Variants in ITPR1 observed in about 807,000 individuals in gnomAD.
ITPR1 encodes inositol 1,4,5-trisphosphate receptor type 1, also known as inositol 1,4,5-trisphosphate-gated calcium channel ITPR1.
A neutral mutation model predicts 318.4 loss-of-function variants in ITPR1; 96 were observed. That is an observed-to-expected ratio of 0.30 (90% CI 0.26 to 0.36). The LOEUF is 0.36. Among genes scored for constraint, ITPR1 ranks in the 10% least tolerant of loss-of-function variants. The pLI is 1.00. For missense variants in ITPR1, 2,440 were observed against 3,460.2 expected, an observed-to-expected ratio of 0.71 and a Z score of 7.40; for synonymous variants, 1,312 against 1,289.9, an observed-to-expected ratio of 1.02 and a Z score of -0.37.
intron 4 of ITPR1, among the ~76,000 whole-genome samples, chr3:4,568,595 T>C (rs1392389855): frequency 6.6e-6 from 1 of 152,106 alleles, no homozygotes; most frequent in East Asian, 1.9e-4. Context: ...TCTTGCCACA[T>C]GGATAGATAG....
chr3:4,773,703 C>T (rs971205255), intron 46 of ITPR1, among the ~76,000 whole-genome samples: 1 of 152,214 alleles, frequency 6.6e-6, no homozygotes, highest in East Asian at 1.9e-4. Context: ...GAGCCAACCC[C>T]TCAAACAGGT....
At chr3:4,598,360 C>G (rs2091013773) in intron 4 of ITPR1, among the ~76,000 whole-genome samples, 1 of 152,188 alleles carries the variant, frequency 6.6e-6, no homozygotes, top group South Asian at 2.1e-4. Context: ...TGGCTCACGC[C>G]TATAATCTCA....
At chr3:4,839,892 T>C (rs2051206964) in intron 61 of ITPR1, among the ~76,000 whole-genome samples, 1 of 152,172 alleles carries the variant, frequency 6.6e-6, no homozygotes. Flanking sequence ...GAATTTGAAC[T>C]GTTTTTTTTC....
chr3:4,798,483 A>ACTGT (rs1440446460), intron 53 of ITPR1, among the ~76,000 whole-genome samples: 2 of 152,250 alleles, frequency 1.3e-5, no homozygotes, highest in Non-Finnish European at 2.9e-5. Context: ...ATCAGATGGA[A>ACTGT]CTGTCATACA....
intron 2 of ITPR1, among the ~76,000 whole-genome samples, chr3:4,499,769 G>C (rs917220856): frequency 3.9e-5 from 6 of 152,150 alleles, no homozygotes; most frequent in African/African-American, 1.4e-4. Context: ...CCATAATTTG[G>C]TAGTTAGATG....
At chr3:4,538,965 A>T (rs993304620) in intron 4 of ITPR1, among the ~76,000 whole-genome samples, 2 of 152,192 alleles carry the variant, frequency 1.3e-5, no homozygotes, top group Non-Finnish European at 2.9e-5. Context: ...AGGAGTAGCA[A>T]ACCACCATGA....
chr3:4,528,848 T>C (rs1233294401), intron 4 of ITPR1, among the ~76,000 whole-genome samples: 3 of 152,234 alleles, frequency 2.0e-5, no homozygotes, highest in Admixed American at 6.5e-5. Context: ...AAAAGATTAA[T>C]AGTTTTTTGT....
At chr3:4,501,628 C>T (rs2081029855) in intron 2 of ITPR1, among the ~76,000 whole-genome samples, 1 of 152,224 alleles carries the variant, frequency 6.6e-6, no homozygotes, top group Non-Finnish European at 1.5e-5. Context: ...GACCTTTGTA[C>T]TTTTCCCCTG....
intron 12 of ITPR1, among the ~76,000 whole-genome samples, chr3:4,654,150 G>A (rs375343182): frequency 7.8e-4 from 119 of 152,292 alleles, no homozygotes; most frequent in African/African-American, 2.8e-3. Flanking sequence ...AGAAGTTCAT[G>A]GTATCACTTG....
chr3:4,564,810 T>C (rs2087048790), intron 4 of ITPR1, among the ~76,000 whole-genome samples: 1 of 152,182 alleles, frequency 6.6e-6, no homozygotes. Flanking sequence ...TCAGACACTT[T>C]CTGAGCGACT....
At chr3:4,748,866 C>A (rs1439147589) in intron 44 of ITPR1, among the ~76,000 whole-genome samples, 2 of 152,188 alleles carry the variant, frequency 1.3e-5, no homozygotes, top group African/African-American at 2.4e-5. Context: ...TGTTACCTGG[C>A]AACATTGCTG....
intron 39 of ITPR1, among the ~76,000 whole-genome samples, chr3:4,716,980 TA>T (rs746260292): frequency 1.7e-4 from 26 of 152,218 alleles, no homozygotes; most frequent in Admixed American, 3.3e-4. Context: ...TAAACTGGGC[TA>T]ATTCTACTCT....
At chr3:4,670,961 GC>G in intron 20 of ITPR1, 35 bp downstream of exon 20, 1 of 1,432,400 alleles carries the variant, frequency 7.0e-7, no homozygotes. Context: ...AGATTGGGGT[GC>G]CCCAAAACAG....
chr3:4,791,264 T>C (rs1415558290), intron 52 of ITPR1, among the ~76,000 whole-genome samples: 1 of 152,194 alleles, frequency 6.6e-6, no homozygotes, highest in African/African-American at 2.4e-5. Flanking sequence ...CCCTGATAAG[T>C]AGAAAACGTG....
intron 30 of ITPR1, among the ~76,000 whole-genome samples, chr3:4,687,151 A>G (rs1240815919): frequency 6.6e-6 from 1 of 152,260 alleles, no homozygotes; most frequent in Non-Finnish European, 1.5e-5. Flanking sequence ...CATATCAGCT[A>G]GGAATGGTTA....
intron 4 of ITPR1, among the ~76,000 whole-genome samples, chr3:4,577,559 T>A (rs989318935): frequency 1.3e-5 from 2 of 152,172 alleles, no homozygotes; most frequent in African/African-American, 2.4e-5. Context: ...GTTGATCAAC[T>A]GATTTGTATT....
rs545276186 is a variant in ITPR1, at chr3:4,798,520, A to G, written c.6932-1905A>G. Among the ~76,000 whole-genome samples, 50 of 152,358 alleles carry G rather than the reference A, an allele frequency of 3.3e-4. 1 individual carries two copies. Among genetic ancestry groups the G allele is most frequent in the South Asian group, 6.2e-4 (3 of 4,824 alleles). On this transcript the variant is annotated intron_variant, in intron 53 of 61. Coordinates refer to ENST00000649015, the MANE Select transcript of ITPR1 (RefSeq NM_001378452.1). Reference sequence around the variant, plus strand: ...GGCTGGTGGGAAGGCAGTGTGATACATTCACCTTGGAAAACAGTTTGGTAT... The same window carrying G: ...GGCTGGTGGGAAGGCAGTGTGATACGTTCACCTTGGAAAACAGTTTGGTAT...
intron 4 of ITPR1, among the ~76,000 whole-genome samples, chr3:4,540,695 C>T (rs2084359482): frequency 6.6e-6 from 1 of 152,030 alleles, no homozygotes; most frequent in African/African-American, 2.4e-5. Context: ...TCAAGTGGTT[C>T]TCCCCCTGAG....
At chr3:4,619,658 C>T (rs186239717) in intron 4 of ITPR1, among the ~76,000 whole-genome samples, 295 of 5,122 alleles carry the variant, frequency 0.058, 54 homozygotes, top group East Asian at 0.25. Flanking sequence ...CTGCTCTCCC[C>T]TGCTCTCCTC....
Sources: gnomAD v4.1 joint callset for allele counts (sites outside exome capture counted in the v4.1 genomes callset) on GRCh38, gnomAD v4.1.1 for gene constraint, MANE v1.5 for transcripts, NCBI Gene and HGNC (gene_info 2026-07-23, HGNC 2026-07-21) for gene names.